Variants in CHL1 observed in about 807,000 individuals in gnomAD.
The protein encoded by CHL1 is neural cell adhesion molecule L1-like protein.
CHL1 carries 96 observed loss-of-function variants against 141.9 expected under a neutral mutation model. That is an observed-to-expected ratio of 0.68 (90% CI 0.57 to 0.80). CHL1 has a LOEUF of 0.80. Ranked by LOEUF, CHL1 falls within the 30% of genes least tolerant of loss-of-function variation. CHL1 has a pLI of 0.00. For missense variants in CHL1, 1,820 were observed against 1,457.2 expected (o/e 1.25, Z -4.05); for synonymous variants, 613 against 502.2 (o/e 1.22, Z -2.95).
chr3:389,577 G>A (rs1708057486), intron 20 of CHL1, 103 bp downstream of exon 20: 1 of 843,226 alleles, frequency 1.2e-6, no homozygotes, highest in Non-Finnish European at 1.9e-6. Context: ...TGCATGCAAA[G>A]AGGATGTACT....
Position 386,008 on chromosome 3 carries a change from A to C in CHL1, c.2247+2122A>C, listed in dbSNP as rs114993450. ...TTGATGTGTCAGAGATCTAATCACT[A>C]CTGACACAGCCAGTGAAGTTTAAGA... is the stretch of plus-strand genomic sequence containing the variant. On this transcript the variant is annotated intron_variant, in intron 19 of 27. Coordinates refer to ENST00000256509, the MANE Select transcript of CHL1 (RefSeq NM_006614.4). Among the ~76,000 whole-genome samples the C allele has an allele frequency of 2.7e-3, 409 of 152,114 alleles. 2 individuals are homozygous for C. The highest frequency in any genetic ancestry group is 9.4e-3 in the African/African-American group (389 of 41,496).
intron 15 of CHL1, 127 bp downstream of exon 15, chr3:366,242 G>C: frequency 1.2e-6 from 1 of 819,456 alleles, no homozygotes; most frequent in Non-Finnish European, 1.9e-6. Flanking sequence ...AGACCGAGGC[G>C]AGTGGATCAC....
intron 1 of CHL1, among the ~76,000 whole-genome samples, chr3:208,637 G>C (rs1699645708): frequency 6.6e-6 from 1 of 152,100 alleles, no homozygotes; most frequent in Non-Finnish European, 1.5e-5. Flanking sequence ...TATCCGTTTT[G>C]GTTATTTGAA....
chr3:323,713 G>A (rs1474586371), intron 3 of CHL1, among the ~76,000 whole-genome samples: 1 of 152,060 alleles, frequency 6.6e-6, no homozygotes, highest in Non-Finnish European at 1.5e-5. Context: ...GAATCCATCT[G>A]CCTTCTCAAG....
intron 1 of CHL1, among the ~76,000 whole-genome samples, chr3:210,763 A>G (rs1699841186): frequency 6.6e-6 from 1 of 152,356 alleles, no homozygotes; most frequent in East Asian, 1.9e-4. Context: ...CAAAGAGGGA[A>G]AAAATATGGA....
chr3:322,456 A>G (rs1040541556), intron 3 of CHL1, among the ~76,000 whole-genome samples: 18 of 151,394 alleles, frequency 1.2e-4, no homozygotes, highest in African/African-American at 4.4e-4. Flanking sequence ...TGTTTTTATC[A>G]TAAACCTAAG....
At chr3:389,646 G>A (rs1232534053) in intron 20 of CHL1, among the ~76,000 whole-genome samples, 172 bp downstream of exon 20, 1 of 152,210 alleles carries the variant, frequency 6.6e-6, no homozygotes, top group Non-Finnish European at 1.5e-5. Flanking sequence ...TTGATTGTAG[G>A]ACAGTTGATC....
intron 2 of CHL1, among the ~76,000 whole-genome samples, chr3:306,610 T>G (rs939712015): frequency 2.0e-5 from 3 of 152,252 alleles, no homozygotes; most frequent in African/African-American, 7.2e-5. Flanking sequence ...GTATCACTGT[T>G]TGGTGTTTAG....
chr3:244,139 G>A (rs1404775750), intron 1 of CHL1, among the ~76,000 whole-genome samples: 1 of 152,170 alleles, frequency 6.6e-6, no homozygotes, highest in Non-Finnish European at 1.5e-5. Context: ...TGTTCACTCT[G>A]TAGTTCAGAG....
intron 2 of CHL1, among the ~76,000 whole-genome samples, chr3:279,358 G>A (rs983146160): frequency 6.6e-6 from 1 of 151,584 alleles, no homozygotes; most frequent in East Asian, 1.9e-4. Flanking sequence ...TATTTTAATC[G>A]AGGGGGGAGC....
chr3:230,263 G>A (rs1701741941), intron 1 of CHL1, among the ~76,000 whole-genome samples: 1 of 152,126 alleles, frequency 6.6e-6, no homozygotes, highest in South Asian at 2.1e-4. Flanking sequence ...AGAGATGAAG[G>A]AAGTGGTGAC....
At chr3:346,765 A>T (rs990856242) in intron 9 of CHL1, among the ~76,000 whole-genome samples, 7 of 152,110 alleles carry the variant, frequency 4.6e-5, no homozygotes, top group Non-Finnish European at 8.8e-5. Context: ...ATACATTTTT[A>T]AAAAGTTTTT....
intron 1 of CHL1, chr3:197,870 C>T (rs963525045): frequency 5.6e-6 from 2 of 356,162 alleles, no homozygotes; most frequent in Non-Finnish European, 1.0e-5. Flanking sequence ...CTCTTTCTCT[C>T]GCTTTTTTTT....
chr3:388,062 T>G (rs1162273799), intron 19 of CHL1, among the ~76,000 whole-genome samples: 1 of 152,252 alleles, frequency 6.6e-6, no homozygotes, highest in Non-Finnish European at 1.5e-5. Flanking sequence ...AAATTACTGT[T>G]TATATAAGTG....
rs770882630 is a variant in CHL1 at position 399,031 on chromosome 3, T to C, written c.3268T>C (p.Tyr1090His). 6.2e-7 allele frequency: 1 copy of C among 1,613,524 alleles called. No individual in the cohort carries two copies. The highest frequency in any genetic ancestry group is 2.2e-5 in the East Asian group (1 of 44,860). Residue 1090 changes from tyrosine to histidine, a missense_variant, in exon 26 of 28, where the codon TAT becomes CAT. Transcript: ENST00000256509. ...ETRGREYAGLYDDISTQGWFI... is the reference protein window; with the variant it reads ...ETRGREYAGLHDDISTQGWFI... ...TTCTACCACAGAATATGCTGGTTTA[T>C]ATGATGACATCTCCACTCAAGGCTG...
At chr3:312,100 A>T (rs1235978274) in intron 2 of CHL1, among the ~76,000 whole-genome samples, 1 of 152,224 alleles carries the variant, frequency 6.6e-6, no homozygotes, top group African/African-American at 2.4e-5. Context: ...ATATTCAATT[A>T]TATTCCAGTT....
intron 2 of CHL1, among the ~76,000 whole-genome samples, chr3:307,442 A>T (rs1403366960): frequency 6.6e-6 from 1 of 152,244 alleles, no homozygotes; most frequent in Non-Finnish European, 1.5e-5. Flanking sequence ...CACTAGAGGC[A>T]GATGAGATAA....
Position 386,208 on chromosome 3 carries a change from G to GA in CHL1, c.2247+2339dup, listed in dbSNP as rs11359398. Among the ~76,000 whole-genome samples, 50 of 120,800 alleles carry GA rather than the reference G, an allele frequency of 4.1e-4. 1 individual carries two copies. The highest frequency in any genetic ancestry group is 1.8e-3 in the Admixed American group (21 of 11,742). 79.2% of individuals were successfully genotyped at this position (120,800 alleles called of 152,430 possible). On this transcript the variant is annotated intron_variant, in intron 19 of 27. Coordinates refer to ENST00000256509, the MANE Select transcript of CHL1 (RefSeq NM_006614.4). Reference sequence around the variant, plus strand: ...GATAATGGTCAGAGGGACATAATTTGAAAAAAAAAAAAAAAAAGCTGATCT... The same window carrying GA: ...GATAATGGTCAGAGGGACATAATTTGAAAAAAAAAAAAAAAAAAGCTGATCT...
intron 2 of CHL1, among the ~76,000 whole-genome samples, chr3:287,582 T>G (rs1697277076): frequency 6.6e-6 from 1 of 152,228 alleles, no homozygotes; most frequent in Non-Finnish European, 1.5e-5. Flanking sequence ...TGCCAGTCTT[T>G]GATTTGATAT....
Sources: allele counts gnomAD v4.1 joint callset (sites outside exome capture counted in the v4.1 genomes callset), GRCh38; gene constraint gnomAD v4.1.1; transcripts MANE v1.5; gene names NCBI Gene and HGNC (gene_info 2026-07-23, HGNC 2026-07-21).